Variants in NDRG1 observed in about 807,000 individuals in gnomAD.
NDRG1 encodes N-myc downstream regulated 1.
NDRG1 carries 32 observed loss-of-function variants against 56.9 expected under a neutral mutation model. The ratio of observed to expected loss-of-function variants is 0.56; its 90% CI spans 0.42 to 0.76. The LOEUF (loss-of-function observed/expected upper bound fraction) is 0.76. Among genes scored for constraint, NDRG1 ranks in the 30% least tolerant of loss-of-function variants. The pLI is 0.00. For synonymous variants in NDRG1, 211 were observed against 204.1 expected (o/e 1.03, Z -0.29); for missense variants, 507 against 545.7 (o/e 0.93, Z 0.71).
intron 10 of NDRG1, 77 bp downstream of exon 10, chr8:133,250,363 C>G (rs1855945506): frequency 7.8e-7 from 1 of 1,280,742 alleles, no homozygotes; most frequent in African/African-American, 1.5e-5. Context: ...TACTCTCCCT[C>G]TCATCTGTCC....
intron 3 of NDRG1, among the ~76,000 whole-genome samples, chr8:133,270,056 A>C (rs575092015): frequency 1.3e-5 from 2 of 152,306 alleles, no homozygotes; most frequent in South Asian, 4.1e-4. Flanking sequence ...GCACGACCAC[A>C]ATTACAAATA....
intron 3 of NDRG1, among the ~76,000 whole-genome samples, chr8:133,279,930 C>A (rs1367346620): frequency 6.6e-6 from 1 of 152,162 alleles, no homozygotes; most frequent in Non-Finnish European, 1.5e-5. Flanking sequence ...CCCAAGCCAG[C>A]CCAGCATCAC....
intron 1 of NDRG1, among the ~76,000 whole-genome samples, chr8:133,287,389 T>A (rs1308879381): frequency 6.6e-6 from 1 of 152,188 alleles, no homozygotes; most frequent in Non-Finnish European, 1.5e-5. Flanking sequence ...CTAGGTTCTA[T>A]GTGCCCAACA....
Position 133,260,971 on chromosome 8 carries a change from C to T in NDRG1, c.326+1076G>A, listed in dbSNP as rs192321609. Among the ~76,000 whole-genome samples, 70 of 152,230 alleles carry T rather than the reference C, an allele frequency of 4.6e-4. 1 individual carries two copies. The highest frequency in any genetic ancestry group is 1.5e-3 in the African/African-American group (64 of 41,534). ...ATTGCACAAGGGGAAATTGAAAGGC[C>T]ATGCCCATACAGATCACGAGCTGAC... On this transcript the variant is annotated intron_variant, in intron 5 of 15. Coordinates refer to ENST00000323851, the MANE Select transcript of NDRG1 (RefSeq NM_006096.4).
chr8:133,294,624 C>T (rs944808834), intron 1 of NDRG1, among the ~76,000 whole-genome samples: 4 of 151,748 alleles, frequency 2.6e-5, no homozygotes, highest in East Asian at 3.9e-4. Flanking sequence ...CGGATTTCAA[C>T]GTAACCCAGG....
At chr8:133,286,984 G>A (rs914849073) in intron 1 of NDRG1, among the ~76,000 whole-genome samples, 4 of 152,052 alleles carry the variant, frequency 2.6e-5, no homozygotes, top group African/African-American at 7.2e-5. Flanking sequence ...AGCTGCTGGC[G>A]GTCCACCATC....
intron 11 of NDRG1, among the ~76,000 whole-genome samples, chr8:133,248,211 A>C (rs954449529): frequency 3.3e-5 from 5 of 152,212 alleles, no homozygotes; most frequent in African/African-American, 1.2e-4. Context: ...CTGGCAATCA[A>C]GACCGAAACA....
At chr8:133,296,350 G>T (rs868685026) in intron 1 of NDRG1, 25 of 401,166 alleles carry the variant, frequency 6.2e-5, no homozygotes, top group Non-Finnish European at 1.2e-4. Flanking sequence ...GACCCCTCTC[G>T]CCCAGGTCAC....
In NDRG1 at chr8:133,259,151, T is replaced by C; in HGVS notation, c.389+17A>G. The C allele has an allele frequency of 1.2e-6, 2 of 1,613,066 alleles. No homozygotes were observed. Among genetic ancestry groups the C allele is most frequent in the Non-Finnish European group, 8.5e-7 (1 of 1,178,978 alleles). ...GCTTCTCTGCAGACAGAGAAGGAGC[T>C]GATCCTTCGCTCTTACCCAAACTGT... On this transcript the variant is annotated intron_variant, in intron 6 of 15. Transcript: ENST00000323851.
chr8:133,239,168 A>G (rs1855244303), intron 15 of NDRG1, 49 bp from the exon 16 acceptor site: 1 of 1,548,602 alleles, frequency 6.5e-7, no homozygotes, highest in Non-Finnish European at 8.7e-7. Context: ...CTGCCAGGTG[A>G]GGAGCCAGGC....
At chr8:133,270,096 C>T (rs1475893995) in intron 3 of NDRG1, among the ~76,000 whole-genome samples, 3 of 152,270 alleles carry the variant, frequency 2.0e-5, no homozygotes, top group Admixed American at 6.5e-5. Context: ...CCCAGCCAGG[C>T]CGCCAATTCC....
intron 1 of NDRG1, among the ~76,000 whole-genome samples, chr8:133,296,272 G>A (rs1858751676): frequency 6.6e-6 from 1 of 151,410 alleles, no homozygotes; most frequent in Admixed American, 6.6e-5. Context: ...GCGGGGGAGG[G>A]TGGGCGGAGG....
intron 10 of NDRG1, among the ~76,000 whole-genome samples, chr8:133,249,735 C>A (rs375146118): frequency 6.6e-6 from 1 of 152,188 alleles, no homozygotes; most frequent in Non-Finnish European, 1.5e-5. Flanking sequence ...GAGATGAGGG[C>A]AGGATTGTAA....
At position 133,242,071 on chromosome 8, in the gene NDRG1, C is replaced by A; in HGVS notation, c.895G>T (p.Ala299Ser). 3.1e-6 allele frequency: 5 copies of A among 1,614,216 alleles called. No individual in the cohort carries two copies. Among genetic ancestry groups the A allele is most frequent in the Non-Finnish European group, 4.2e-6 (5 of 1,180,044 alleles). The change falls in exon 15 of 16, where the codon GCC becomes TCC. Residue 299 changes from alanine (A) to serine (S), a missense_variant. By Grantham distance (99) the Ala-to-Ser change is moderately conservative. Coordinates refer to ENST00000323851, the MANE Select transcript of NDRG1 (RefSeq NM_006096.4). ...TACTTGAAGGCCTCAGCGAGCTTGG[C>A]CGGCTGCGAGAGACAAGGAGAGAAA... Reference protein sequence around the residue: ...CGGLPQISQPAKLAEAFKYFV... With the variant: ...CGGLPQISQPSKLAEAFKYFV...
At chr8:133,274,614 C>T (rs1283046622) in intron 3 of NDRG1, among the ~76,000 whole-genome samples, 1 of 152,208 alleles carries the variant, frequency 6.6e-6, no homozygotes, top group African/African-American at 2.4e-5. Flanking sequence ...TTGAGTCCTA[C>T]AACAACTCAT....
intron 1 of NDRG1, among the ~76,000 whole-genome samples, chr8:133,294,651 T>C (rs1858631323): frequency 1.4e-5 from 2 of 146,010 alleles, no homozygotes; most frequent in South Asian, 2.1e-4. Flanking sequence ...CTCAGCTCAG[T>C]TGAGATCTGT....
rs1856836574 is a variant in NDRG1 at position 133,264,834 on chromosome 8, G to C, written c.100-182C>G. 4.6e-6 allele frequency: 3 copies of C among 650,144 alleles called. No homozygotes were observed. In the Admixed American group the frequency reaches 6.6e-5, roughly 14 times the overall value. 40.3% of individuals were successfully genotyped at this position (650,144 alleles called of 1,614,324 possible). A position where few individuals can be genotyped will look rare whatever the true frequency, so the allele number is the denominator to read the frequency against. Reference sequence around the variant, plus strand: ...AAGCCACTCCAAGGACCAGGGCTAGGAGGGGACTCCCAGGAGGCAGGGGAC... The same window carrying C: ...AAGCCACTCCAAGGACCAGGGCTAGCAGGGGACTCCCAGGAGGCAGGGGAC... On this transcript the variant is annotated intron_variant, in intron 3 of 15. Coordinates refer to ENST00000323851, the MANE Select transcript of NDRG1 (RefSeq NM_006096.4).
intron 5 of NDRG1, among the ~76,000 whole-genome samples, 163 bp downstream of exon 5, chr8:133,261,880 GCTAA>G (rs1292239622): frequency 6.6e-6 from 1 of 152,242 alleles, no homozygotes; most frequent in Non-Finnish European, 1.5e-5. Context: ...TAGTGAAAGT[GCTAA>G]CTTTTATGTT....
rs368604593 is a variant in NDRG1 at position 133,241,979 on chromosome 8, G to A, written c.943+44C>T. 4.3e-4 allele frequency: 686 copies of A among 1,610,544 alleles called. 2 individuals carry two copies. Among genetic ancestry groups the A allele is most frequent in the Non-Finnish European group, 5.6e-4 (659 of 1,176,886 alleles). ...CTCAGGACAGAGCACTTCCAATTCC[G>A]ACACATGCCCCGACCCACTGCACAC... is the stretch of plus-strand genomic sequence containing the variant. On this transcript the variant is annotated intron_variant, in intron 15 of 15. Transcript: ENST00000323851.
Sources: allele counts gnomAD v4.1 joint callset (sites outside exome capture counted in the v4.1 genomes callset), GRCh38; gene constraint gnomAD v4.1.1; transcripts MANE v1.5; gene names NCBI Gene and HGNC (gene_info 2026-07-23, HGNC 2026-07-21).